The following WWOX variants were observed in gnomAD, a reference collection of about 807,000 sequenced individuals.
WWOX encodes WW domain containing oxidoreductase.
In WWOX, 69 loss-of-function variants were observed where a neutral mutation model predicts 46.2. The observed-to-expected ratio is 1.49, with a 90% CI of 1.23 to 1.82. The LOEUF is 1.82. WWOX is among the 40% of genes most tolerant of loss of function. The probability of loss-of-function intolerance (pLI) is 0.00; values close to 1 mark genes in which losing one functional copy is unlikely to be tolerated. For missense variants in WWOX, 919 were observed against 542.6 expected, an observed-to-expected ratio of 1.69 and a Z score of -6.89; for synonymous variants, 359 against 202.6, an observed-to-expected ratio of 1.77 and a Z score of -6.56.
intron 8 of WWOX, among the ~76,000 whole-genome samples, chr16:79,097,219 C>G (rs2049094178): frequency 6.6e-6 from 1 of 152,126 alleles, no homozygotes; most frequent in South Asian, 2.1e-4. Context: ...GCCTGCTTTT[C>G]TCAATAATTG....
chr16:78,110,294 C>T (rs553119850), intron 3 of WWOX, among the ~76,000 whole-genome samples: 45 of 143,342 alleles, frequency 3.1e-4, no homozygotes, highest in African/African-American at 1.1e-3. Flanking sequence ...GAGCTGAGAT[C>T]GCGCCACTGC....
rs566044039 is a variant in WWOX, at chr16:78,513,587, A to G, written c.1056+80835A>G. ...TTGGTGAAGGAATGATCCAGGGGAA[A>G]TAGTAAAATATTAGCCTGTCCTCCA... is the stretch of plus-strand genomic sequence containing the variant. On this transcript the variant is annotated intron_variant, in intron 8 of 8. Coordinates refer to ENST00000566780, the MANE Select transcript of WWOX (RefSeq NM_016373.4). Among the ~76,000 whole-genome samples the G allele has an allele frequency of 2.6e-5, 4 of 152,360 alleles. No homozygotes were observed. The East Asian group carries it at 5.8e-4, about 22-fold the overall frequency.
intron 8 of WWOX, among the ~76,000 whole-genome samples, chr16:79,079,179 C>A (rs1188144331): frequency 6.6e-6 from 1 of 152,204 alleles, no homozygotes; most frequent in Non-Finnish European, 1.5e-5. Context: ...CTCCTTCTAT[C>A]TTCTGTCACC....
intron 8 of WWOX, among the ~76,000 whole-genome samples, chr16:78,691,971 C>A (rs1597452154): frequency 6.6e-6 from 1 of 152,278 alleles, no homozygotes; most frequent in South Asian, 2.1e-4. Context: ...ATGGGTGTAT[C>A]AGGAGTTTCC....
rs1402582080 is a variant in WWOX, at chr16:78,343,509, C to G, written c.517-43351C>G. Among the ~76,000 whole-genome samples, 6 of 120,996 alleles carry G rather than the reference C, an allele frequency of 5.0e-5. 2 individuals are homozygous for G. Among genetic ancestry groups the G allele is most frequent in the Non-Finnish European group, 1.2e-4 (6 of 50,734 alleles). 79.4% of individuals were successfully genotyped at this position (120,996 alleles called of 152,430 possible). On this transcript the variant is annotated intron_variant, in intron 5 of 8. Transcript: ENST00000566780. ...GCCTCTCATCATGTAAGGTGATGCT[C>G]TGAGCTGGGTCTTAAAGCTTCTGGG...
chr16:78,732,233 C>T (rs1330535530), intron 8 of WWOX, among the ~76,000 whole-genome samples: 1 of 152,074 alleles, frequency 6.6e-6, no homozygotes, highest in Non-Finnish European at 1.5e-5. Flanking sequence ...ACGCTGCAGA[C>T]TCTTGAAGTT....
chr16:78,144,263 A>G (rs1200284645), intron 4 of WWOX, among the ~76,000 whole-genome samples: 3 of 150,802 alleles, frequency 2.0e-5, no homozygotes, highest in Non-Finnish European at 4.4e-5. Context: ...GTTAAGATTC[A>G]TTTATTCTAT....
At chr16:78,509,593 G>C (rs896282926) in intron 8 of WWOX, among the ~76,000 whole-genome samples, 1 of 152,180 alleles carries the variant, frequency 6.6e-6, no homozygotes, top group African/African-American at 2.4e-5. Context: ...AGTGTGCAAT[G>C]CTTCCCAGCC....
At chr16:78,819,306 C>A (rs1450319767) in intron 8 of WWOX, among the ~76,000 whole-genome samples, 1 of 152,154 alleles carries the variant, frequency 6.6e-6, no homozygotes, top group African/African-American at 2.4e-5. Flanking sequence ...AGGGCTTACA[C>A]ACCGGACCAA....
chr16:79,037,371 G>C lies in WWOX; in HGVS notation c.1057-174237G>C, dbSNP rs183091866. Among the ~76,000 whole-genome samples, 14 of 152,278 alleles carry C rather than the reference G, an allele frequency of 9.2e-5. No individual in the cohort carries two copies. The East Asian group carries it at 2.7e-3, about 29-fold the overall frequency. ...TAGAGAGGAAGAATGGATATTCCTA[G>C]GGTCAGTTGATTGAGGGTGTGTTGG... On this transcript the variant is annotated intron_variant, in intron 8 of 8. Coordinates refer to ENST00000566780, the MANE Select transcript of WWOX (RefSeq NM_016373.4).
chr16:79,022,602 A>T (rs2047556389), intron 8 of WWOX, among the ~76,000 whole-genome samples: 2 of 152,168 alleles, frequency 1.3e-5, no homozygotes, highest in African/African-American at 2.4e-5. Context: ...TACTTTTAGG[A>T]TGTCAGTCCC....
intron 8 of WWOX, among the ~76,000 whole-genome samples, chr16:78,727,617 C>A (rs1342799277): frequency 2.0e-5 from 3 of 152,142 alleles, no homozygotes; most frequent in Non-Finnish European, 2.9e-5. Context: ...ACATTCCCTT[C>A]GATTCTTTGA....
At chr16:78,266,705 C>T (rs1437213167) in intron 5 of WWOX, among the ~76,000 whole-genome samples, 2 of 151,710 alleles carry the variant, frequency 1.3e-5, no homozygotes, top group African/African-American at 4.8e-5. Flanking sequence ...TGGAATGAAC[C>T]AAGTTAACTT....
chr16:78,726,235 CT>C lies in WWOX; in HGVS notation c.1056+293491del, dbSNP rs1008421983. 2.8e-5 allele frequency among the ~76,000 whole-genome samples: 4 copies of C among 140,648 alleles called. No homozygotes were observed. In the Admixed American group the frequency reaches 2.9e-4, roughly 10 times the overall value. The allele number at this position is 140,648 out of a possible 152,430, so 92.3% of individuals were successfully genotyped here. ...TTTCTTCCTTCCTTCCTTTTTTCTT[CT>C]TTTTTTTGGAAACAGTCTTGCTCTG... On this transcript the variant is annotated intron_variant, in intron 8 of 8. Transcript: ENST00000566780.
Position 78,916,746 on chromosome 16 carries a change from G to A in WWOX, c.1057-294862G>A, listed in dbSNP as rs556125595. On this transcript the variant is annotated intron_variant, in intron 8 of 8. Transcript: ENST00000566780. ...AGGATAAACTCTAAACTAAGTGTCT[G>A]ATAAATTCTGGGAAAGTTTATCCAA... Among the ~76,000 whole-genome samples, 258 of 152,328 alleles carry A rather than the reference G, an allele frequency of 1.7e-3. 1 individual carries two copies. The highest frequency in any genetic ancestry group is 5.8e-3 in the African/African-American group (241 of 41,562).
At chr16:78,782,069 G>C (rs2142557212) in intron 8 of WWOX, among the ~76,000 whole-genome samples, 1 of 152,230 alleles carries the variant, frequency 6.6e-6, no homozygotes, top group East Asian at 1.9e-4. Context: ...GTAGGTGGCG[G>C]CTGCGGGGAG....
rs543672447 is a variant in WWOX at position 78,571,575 on chromosome 16, G to C, written c.1056+138823G>C. 4.6e-5 allele frequency among the ~76,000 whole-genome samples: 7 copies of C among 152,300 alleles called. No homozygotes were observed. The East Asian group carries it at 1.2e-3, about 25-fold the overall frequency. On this transcript the variant is annotated intron_variant, in intron 8 of 8. Coordinates refer to ENST00000566780, the MANE Select transcript of WWOX (RefSeq NM_016373.4). ...AGGATGTTCAAACTCATCAGTTAGA[G>C]GCGTTGCAGTTGGCTGGGTGCAGTG... is the stretch of plus-strand genomic sequence containing the variant.
At chr16:79,104,780 A>G (rs967288454) in intron 8 of WWOX, among the ~76,000 whole-genome samples, 5 of 152,258 alleles carry the variant, frequency 3.3e-5, no homozygotes, top group East Asian at 3.9e-4. Flanking sequence ...AAATGCCAAG[A>G]ATGCACGCTG....
chr16:78,432,409 C>A, intron 7 of WWOX, 79 bp from the exon 8 acceptor site: 1 of 1,580,184 alleles, frequency 6.3e-7, no homozygotes, highest in Non-Finnish European at 8.6e-7. Context: ...CCCAGCATTC[C>A]TTAGATTTCC....
Sources: gnomAD v4.1 joint callset for allele counts (sites outside exome capture counted in the v4.1 genomes callset) on GRCh38, gnomAD v4.1.1 for gene constraint, MANE v1.5 for transcripts, NCBI Gene and HGNC (gene_info 2026-07-23, HGNC 2026-07-21) for gene names.